Variants in LAMA3 observed in about 807,000 individuals in gnomAD.
LAMA3 encodes the protein laminin subunit alpha-3.
In LAMA3, 281 loss-of-function variants were observed where a neutral mutation model predicts 402.0. The ratio of observed to expected loss-of-function variants is 0.70; its 90% CI spans 0.63 to 0.77. The LOEUF (loss-of-function observed/expected upper bound fraction) is 0.77. Among genes scored for constraint, LAMA3 ranks in the 30% least tolerant of loss-of-function variants. The pLI, the probability that LAMA3 is intolerant of heterozygous loss-of-function variation, is 0.00. For synonymous variants in LAMA3, 1,431 were observed against 1,558.4 expected (o/e 0.92, Z 1.93); for missense variants, 3,840 against 4,215.5 (o/e 0.91, Z 2.47).
chr18:23,736,284 T>A (rs2061473569), intron 2 of LAMA3, among the ~76,000 whole-genome samples: 1 of 149,562 alleles, frequency 6.7e-6, no homozygotes, highest in African/African-American at 2.5e-5. Context: ...CTATCACATC[T>A]AGTTTGACGT....
intron 67 of LAMA3, among the ~76,000 whole-genome samples, chr18:23,936,063 C>T (rs2082304383): frequency 6.6e-6 from 1 of 152,036 alleles, no homozygotes; most frequent in Non-Finnish European, 1.5e-5. Context: ...CAACACACCC[C>T]TCTGAGAGCA....
rs749091020 is a variant in LAMA3 at position 23,876,358 on chromosome 18, A to G, written c.5063A>G (p.Asn1688Ser). ...TATACCGGACGGTGTGTTCCCTGCA[A>G]TTGCAACGGACATTCAAATCAATGC... Reference protein sequence around the residue: ...GLYTGRCVPCNCNGHSNQCQD... With the variant: ...GLYTGRCVPCSCNGHSNQCQD... The change falls in exon 39 of 75, where the codon AAT (asparagine) becomes AGT (serine). Residue 1688 changes from asparagine to serine, a missense_variant. This residue lies in a region of LAMA3 where 2,109 missense variants were observed against 2,376.0 expected (regional missense o/e 0.89). Coordinates refer to ENST00000313654, the MANE Select transcript of LAMA3 (RefSeq NM_198129.4). 1.2e-6 allele frequency: 2 copies of G among 1,614,058 alleles called. No homozygotes were observed. Among genetic ancestry groups the G allele is most frequent in the Non-Finnish European group, 1.7e-6 (2 of 1,179,994 alleles).
intron 1 of LAMA3, among the ~76,000 whole-genome samples, chr18:23,705,305 C>T (rs938036907): frequency 1.3e-5 from 2 of 152,116 alleles, no homozygotes; most frequent in East Asian, 3.9e-4. Context: ...TTTAAAATAT[C>T]GGACATCAGG....
Position 23,816,391 on chromosome 18 carries a change from G to A in LAMA3, c.2051G>A (p.Cys684Tyr). The change falls in exon 18 of 75, where the codon TGT (cysteine) becomes TAT (tyrosine). Residue 684 changes from cysteine to tyrosine, a missense_variant. Around this residue, in one of 3 missense-constraint regions of LAMA3, gnomAD observed 2,109 missense variants for 2,376.0 expected, o/e 0.89. Transcript: ENST00000313654. ...GCTGCTGTTTCCTGGCTTTCAGGGT[G>A]TCAGTGTGACATTGGTGGGGCATTG... ...EKSNYFGCQG[C>Y]QCDIGGALSS... 6.2e-7 allele frequency: 1 copy of A among 1,613,796 alleles called. No individual in the cohort carries two copies. The highest frequency in any genetic ancestry group is 8.5e-7 in the Non-Finnish European group (1 of 1,179,700).
intron 1 of LAMA3, among the ~76,000 whole-genome samples, chr18:23,710,441 T>G (rs1465164287): frequency 6.6e-6 from 1 of 152,234 alleles, no homozygotes; most frequent in African/African-American, 2.4e-5. Flanking sequence ...CCTGAGAAAG[T>G]TCTTCAACCG....
At chr18:23,802,593 T>C (rs955782412) in intron 12 of LAMA3, among the ~76,000 whole-genome samples, 3 of 152,224 alleles carry the variant, frequency 2.0e-5, no homozygotes, top group Admixed American at 1.3e-4. Context: ...TTCAGAGGAA[T>C]GAGGAAACCA....
chr18:23,842,602 C>T lies in LAMA3; in HGVS notation c.3464-9C>T. ...TGCATGACAGAAAGTCTCTCTCTCT[C>T]TCTGCCAGGCTCCTTCCATGCCTCT... On this transcript the variant is annotated splice_polypyrimidine_tract_variant and intron_variant, in intron 28 of 74. Transcript: ENST00000313654. 6.2e-7 allele frequency: 1 copy of T among 1,613,756 alleles called. No homozygotes were observed. Among genetic ancestry groups the T allele is most frequent in the Non-Finnish European group, 8.5e-7 (1 of 1,179,688 alleles).
At chr18:23,891,992 A>G (rs2080686226) in intron 42 of LAMA3, among the ~76,000 whole-genome samples, 1 of 152,208 alleles carries the variant, frequency 6.6e-6, no homozygotes, top group Non-Finnish European at 1.5e-5. Context: ...TGAAAGGAAG[A>G]GCTGGAAAGG....
intron 12 of LAMA3, among the ~76,000 whole-genome samples, chr18:23,787,575 G>GA (rs948055642): frequency 1.1e-4 from 16 of 151,398 alleles, no homozygotes; most frequent in African/African-American, 2.9e-4. Flanking sequence ...TTGAAAGCAG[G>GA]AAAAAAAAGA....
At chr18:23,734,444 A>G (rs2061440958) in intron 2 of LAMA3, among the ~76,000 whole-genome samples, 1 of 152,168 alleles carries the variant, frequency 6.6e-6, no homozygotes, top group Admixed American at 6.5e-5. Flanking sequence ...GTGAGATGCA[A>G]ACATTATTTG....
chr18:23,724,540 C>G (rs566303765), intron 2 of LAMA3, among the ~76,000 whole-genome samples: 1 of 152,252 alleles, frequency 6.6e-6, no homozygotes, highest in South Asian at 2.1e-4. Flanking sequence ...CAGAATGAGG[C>G]TGGTTTGCTA....
chr18:23,823,116 A>T (rs2063318980), intron 20 of LAMA3, among the ~76,000 whole-genome samples: 1 of 152,198 alleles, frequency 6.6e-6, no homozygotes, highest in Non-Finnish European at 1.5e-5. Flanking sequence ...GGAAGAAATG[A>T]TGTCATTTCC....
intron 12 of LAMA3, among the ~76,000 whole-genome samples, chr18:23,805,441 G>GT (rs763262635): frequency 4.6e-5 from 7 of 152,202 alleles, no homozygotes; most frequent in Non-Finnish European, 7.3e-5. Context: ...GGTAGAGGCA[G>GT]TTCTAATGGC....
At chr18:23,716,461 T>C (rs2145923225) in intron 2 of LAMA3, among the ~76,000 whole-genome samples, 1 of 152,354 alleles carries the variant, frequency 6.6e-6, no homozygotes, top group South Asian at 2.1e-4. Flanking sequence ...GACTGGCCTA[T>C]ATCGCTTATT....
chr18:23,749,023 A>G (rs2061700217), intron 3 of LAMA3, among the ~76,000 whole-genome samples: 1 of 152,220 alleles, frequency 6.6e-6, no homozygotes, highest in African/African-American at 2.4e-5. Context: ...TTCCATCTTT[A>G]TAGTTCCTGT....
At chr18:23,938,588 A>G (rs1599148088) in intron 67 of LAMA3, among the ~76,000 whole-genome samples, 1 of 151,094 alleles carries the variant, frequency 6.6e-6, no homozygotes, top group East Asian at 2.0e-4. Flanking sequence ...CCTGTTGCCC[A>G]AGTGAATGGT....
intron 68 of LAMA3, among the ~76,000 whole-genome samples, chr18:23,942,266 G>A (rs1448047706): frequency 2.6e-5 from 4 of 152,192 alleles, no homozygotes; most frequent in African/African-American, 9.7e-5. Flanking sequence ...TCTGGTGTCT[G>A]CTTAAGACGT....
At chr18:23,838,669 T>G in intron 25 of LAMA3, 112 bp from the exon 26 acceptor site, 1 of 714,832 alleles carries the variant, frequency 1.4e-6, no homozygotes, top group Non-Finnish European at 2.6e-6. Flanking sequence ...CGATTAGAAT[T>G]ATTATGGATA....
At chr18:23,793,220 G>A (rs570849717) in intron 12 of LAMA3, among the ~76,000 whole-genome samples, 2 of 152,236 alleles carry the variant, frequency 1.3e-5, no homozygotes, top group East Asian at 1.9e-4. Flanking sequence ...GAATACCAGA[G>A]TGTGAGAGCT....
Sources: allele counts gnomAD v4.1 joint callset (sites outside exome capture counted in the v4.1 genomes callset), GRCh38; gene constraint gnomAD v4.1.1; regional missense constraint gnomAD v4.1.1; transcripts MANE v1.5; gene names NCBI Gene and HGNC (gene_info 2026-07-23, HGNC 2026-07-21).